Variants in TYW1B observed in about 807,000 individuals in gnomAD.
TYW1B encodes S-adenosyl-L-methionine-dependent tRNA 4-demethylwyosine synthase TYW1B.
TYW1B carries 73 observed loss-of-function variants against 86.9 expected under a neutral mutation model. That is an observed-to-expected ratio of 0.84 (90% CI 0.70 to 1.02). The LOEUF (loss-of-function observed/expected upper bound fraction) is 1.02. Among genes scored for constraint, TYW1B ranks in the 50% least tolerant of loss-of-function variants. TYW1B has a pLI of 0.00. For synonymous variants in TYW1B, 248 were observed against 292.8 expected (o/e 0.85, Z 1.56); for missense variants, 637 against 827.4 (o/e 0.77, Z 2.82).
At chr7:72,778,185 T>G (rs1554470970) in intron 6 of TYW1B, among the ~76,000 whole-genome samples, 3 of 152,194 alleles carry the variant, frequency 2.0e-5, no homozygotes, top group Non-Finnish European at 4.4e-5. Context: ...AGTTGTTTAT[T>G]TTCTCTGAAT....
chr7:72,684,252 T>A (rs1383956304), intron 11 of TYW1B, among the ~76,000 whole-genome samples: 6 of 151,992 alleles, frequency 3.9e-5, no homozygotes, highest in African/African-American at 1.4e-4. Flanking sequence ...CCAAGTAGGA[T>A]AAATGCCAGA....
intron 7 of TYW1B, among the ~76,000 whole-genome samples, chr7:72,765,636 T>C (rs1474757539): frequency 6.6e-6 from 1 of 152,088 alleles, no homozygotes; most frequent in Non-Finnish European, 1.5e-5. Context: ...CATCTAACTT[T>C]TGTATTTTTA....
chr7:72,761,482 G>A (rs1018062864), intron 7 of TYW1B, among the ~76,000 whole-genome samples: 5 of 151,672 alleles, frequency 3.3e-5, no homozygotes, highest in African/African-American at 1.2e-4. Context: ...TGGCTCATAC[G>A]AGGGAGGCTG....
chr7:72,734,257 C>CAAAAAAAAAAAAAA (rs111714599), intron 8 of TYW1B, among the ~76,000 whole-genome samples: 20 of 35,836 alleles, frequency 5.6e-4, no homozygotes, highest in Admixed American at 2.8e-3. Flanking sequence ...AACTCCATCT[C>CAAAAAAAAAAAAAA]AAAAAAAAAA....
rs191737736 is a variant in TYW1B at position 72,718,838 on chromosome 7, A to G, written c.1193-5040T>C. Among the ~76,000 whole-genome samples the G allele has an allele frequency of 5.6e-3, 848 of 152,260 alleles. 1 individual carries two copies. Among genetic ancestry groups the G allele is most frequent in the Non-Finnish European group, 8.8e-3 (598 of 68,006 alleles). On this transcript the variant is annotated intron_variant, in intron 9 of 13. Coordinates refer to ENST00000620995, the MANE Select transcript of TYW1B (RefSeq NM_001145440.3). ...AGGTTGAACCTGAACTCCAAAACCAACCTAAAACTCAGAAAGTGGAAGGAG... is the reference window on the plus strand; with the variant it reads ...AGGTTGAACCTGAACTCCAAAACCAGCCTAAAACTCAGAAAGTGGAAGGAG...
chr7:72,632,730 T>C (rs1230657644), intron 11 of TYW1B, among the ~76,000 whole-genome samples: 2 of 150,668 alleles, frequency 1.3e-5, no homozygotes, highest in African/African-American at 4.9e-5. Context: ...GCCCTTACTA[T>C]GTGGCAGCTG....
chr7:72,746,770 G>A (rs879959697), intron 7 of TYW1B, among the ~76,000 whole-genome samples: 5 of 152,158 alleles, frequency 3.3e-5, no homozygotes, highest in Admixed American at 6.6e-5. Context: ...GTAGCTTCGC[G>A]AAAGGACCAG....
At chr7:72,684,454 C>CT (rs1554448930) in intron 11 of TYW1B, among the ~76,000 whole-genome samples, 1 of 152,042 alleles carries the variant, frequency 6.6e-6, no homozygotes, top group African/African-American at 2.4e-5. Context: ...AAATCACCAC[C>CT]TAGAATCTGC....
At chr7:72,711,811 T>C (rs1283237137) in intron 10 of TYW1B, among the ~76,000 whole-genome samples, 4 of 151,306 alleles carry the variant, frequency 2.6e-5, no homozygotes, top group Non-Finnish European at 4.4e-5. Context: ...AATCTTATAC[T>C]TTATTGGCCA....
intron 13 of TYW1B, among the ~76,000 whole-genome samples, chr7:72,599,189 G>C (rs1218737384): frequency 1.3e-5 from 2 of 152,132 alleles, no homozygotes; most frequent in Non-Finnish European, 2.9e-5. Flanking sequence ...TATATGCCAT[G>C]ACCAAGTGGG....
At chr7:72,787,964 T>G (rs1169095638) in intron 6 of TYW1B, among the ~76,000 whole-genome samples, 6 of 75,640 alleles carry the variant, frequency 7.9e-5, no homozygotes, top group Non-Finnish European at 1.5e-4. Context: ...TGTACCCATA[T>G]TCCATCTACT....
At chr7:72,781,562 A>G (rs575416638) in intron 6 of TYW1B, among the ~76,000 whole-genome samples, 15 of 152,258 alleles carry the variant, frequency 9.9e-5, no homozygotes, top group African/African-American at 3.1e-4. Flanking sequence ...GTGCCACAGT[A>G]TTGGCTTCTA....
chr7:72,683,784 T>C (rs1163836045), intron 11 of TYW1B, among the ~76,000 whole-genome samples: 3 of 152,182 alleles, frequency 2.0e-5, no homozygotes, highest in African/African-American at 7.2e-5. Flanking sequence ...AACCAGGCTC[T>C]GACACGGCAG....
intron 10 of TYW1B, among the ~76,000 whole-genome samples, chr7:72,701,997 G>A (rs1814488113): frequency 6.6e-6 from 1 of 152,180 alleles, no homozygotes; most frequent in Admixed American, 6.5e-5. Context: ...CCACAGCCCT[G>A]ATCGTGTGAG....
chr7:72,681,394 C>T (rs75272937), intron 11 of TYW1B, among the ~76,000 whole-genome samples: 15 of 152,098 alleles, frequency 9.9e-5, no homozygotes, highest in African/African-American at 3.6e-4. Context: ...AGCAGTCACA[C>T]CAACCCCTGC....
intron 10 of TYW1B, among the ~76,000 whole-genome samples, chr7:72,709,441 G>A (rs1414165138): frequency 1.3e-5 from 2 of 151,490 alleles, no homozygotes; most frequent in African/African-American, 4.9e-5. Context: ...GGCCAAGGCG[G>A]GCGGATCACA....
At chr7:72,685,521 T>C (rs1813989876) in intron 11 of TYW1B, among the ~76,000 whole-genome samples, 1 of 152,162 alleles carries the variant, frequency 6.6e-6, no homozygotes, top group African/African-American at 2.4e-5. Flanking sequence ...TGTAGTCAAC[T>C]GATCTTTAGC....
At chr7:72,642,541 A>T (rs1159891961) in intron 11 of TYW1B, among the ~76,000 whole-genome samples, 1 of 152,228 alleles carries the variant, frequency 6.6e-6, no homozygotes, top group Non-Finnish European at 1.5e-5. Context: ...GCCAACGTCC[A>T]TCAGCTGAAG....
At chr7:72,576,778 C>G (rs1489463348) in intron 13 of TYW1B, among the ~76,000 whole-genome samples, 1 of 151,764 alleles carries the variant, frequency 6.6e-6, no homozygotes, top group Non-Finnish European at 1.5e-5. Context: ...TCCCAAAGTG[C>G]TGGGATTACA....
Sources: allele counts gnomAD v4.1 joint callset (sites outside exome capture counted in the v4.1 genomes callset), GRCh38; gene constraint gnomAD v4.1.1; transcripts MANE v1.5; gene names NCBI Gene and HGNC (gene_info 2026-07-23, HGNC 2026-07-21).